The following GRIK5 variants were observed in gnomAD, a reference collection of about 807,000 sequenced individuals.
GRIK5 encodes the protein glutamate ionotropic receptor kainate type subunit 5.
A neutral mutation model predicts 97.4 loss-of-function variants in GRIK5; 43 were observed. The ratio of observed to expected loss-of-function variants is 0.44; its 90% CI spans 0.35 to 0.57. The LOEUF is 0.57. GRIK5 is among the 20% of genes least tolerant of loss of function. The pLI, the probability that GRIK5 is intolerant of heterozygous loss-of-function variation, is 0.01. For missense variants in GRIK5, 1,015 were observed against 1,382.0 expected, an observed-to-expected ratio of 0.73 and a Z score of 4.21; for synonymous variants, 580 against 583.5, an observed-to-expected ratio of 0.99 and a Z score of 0.09.
chr19:42,069,925 G>T lies in GRIK5; in HGVS notation c.-735C>A, dbSNP rs889241501. On this transcript the variant is annotated 5_prime_UTR_variant, in exon 1 of 20. Transcript: ENST00000593562. ...CGGAGAGGCCAAGAAGGGGGCAAAT[G>T]AGGTGGAGAGATAGGGAGGAGGGAG... Among the ~76,000 whole-genome samples, 1 of 152,168 alleles carries T rather than the reference G, an allele frequency of 6.6e-6. No individual in the cohort carries two copies. The highest frequency in any genetic ancestry group is 1.5e-5 in the Non-Finnish European group (1 of 68,016).
chr19:42,061,799 G>T (rs1199855897), intron 5 of GRIK5, among the ~76,000 whole-genome samples: 1 of 152,054 alleles, frequency 6.6e-6, no homozygotes, highest in Non-Finnish European at 1.5e-5. Flanking sequence ...CACCCCTCTT[G>T]TCACTCTCCA....
rs531335366 is a variant in GRIK5, at chr19:42,060,279, T to C, written c.509-752A>G. ...AAAGGTACTTGTTGAGCATGTGCTC[T>C]GTGCCAGGCTCTGCTCTTGGTATTG... On this transcript the variant is annotated intron_variant, in intron 5 of 19. Transcript: ENST00000593562. Among the ~76,000 whole-genome samples the C allele has an allele frequency of 2.6e-5, 4 of 151,854 alleles. No individual in the cohort carries two copies. The South Asian group carries it at 8.3e-4, about 32-fold the overall frequency.
chr19:42,011,390 A>C (rs983497030), intron 15 of GRIK5, among the ~76,000 whole-genome samples: 2 of 151,596 alleles, frequency 1.3e-5, no homozygotes, highest in African/African-American at 4.8e-5. Flanking sequence ...GTCTCTACTA[A>C]AAATACAAAA....
intron 6 of GRIK5, among the ~76,000 whole-genome samples, chr19:42,057,407 T>TTTTTTTTTTAAA (rs1491315453): frequency 6.6e-6 from 1 of 152,022 alleles, no homozygotes; most frequent in Non-Finnish European, 1.5e-5. Flanking sequence ...GATCTTGCTC[T>TTTTTTTTTTAAA]GTCACTCAGG....
rs2076392404 is a variant in GRIK5 at position 42,069,422 on chromosome 19, G to A, written c.-232C>T. 6.6e-6 allele frequency: 1 copy of A among 150,654 alleles called. No homozygotes were observed. Among genetic ancestry groups the A allele is most frequent in the Non-Finnish European group, 1.5e-5 (1 of 67,874 alleles). The allele number at this position is 150,654 out of a possible 1,614,324, so 9.3% of individuals were successfully genotyped here. A position where few individuals can be genotyped will look rare whatever the true frequency, so the allele number is the denominator to read the frequency against. ...AACGGTGGCTCCACAGGAGCAGGGAGGAAGGACAGGTGGAAGAGGAGAGGG... is the reference window on the plus strand; with the variant it reads ...AACGGTGGCTCCACAGGAGCAGGGAAGAAGGACAGGTGGAAGAGGAGAGGG... On this transcript the variant is annotated 5_prime_UTR_variant, in exon 1 of 20. Transcript: ENST00000593562.
intron 11 of GRIK5, among the ~76,000 whole-genome samples, chr19:42,050,044 C>T (rs897906391): frequency 6.6e-6 from 1 of 152,104 alleles, no homozygotes; most frequent in Non-Finnish European, 1.5e-5. Flanking sequence ...ATCCTCCTGC[C>T]TCAGCCTCCC....
intron 15 of GRIK5, among the ~76,000 whole-genome samples, chr19:42,014,830 G>A (rs1043522514): frequency 3.9e-5 from 6 of 152,194 alleles, no homozygotes; most frequent in African/African-American, 9.7e-5. Context: ...CAAGATGGGA[G>A]AATCACTTGA....
intron 8 of GRIK5, 130 bp downstream of exon 8, chr19:42,056,532 C>A (rs2076187297): frequency 1.4e-6 from 1 of 726,472 alleles, no homozygotes; most frequent in Admixed American, 2.5e-5. Flanking sequence ...CAATGCATCA[C>A]AAGGCCACAC....
chr19:42,021,882 C>A lies in GRIK5; in HGVS notation c.1697+65G>T. ...CAGTTCCGAGAGAGAAGAGGCAGGT[C>A]GGTCCCAGAGGCCTCGGCTCGTGCC... On this transcript the variant is annotated intron_variant, in intron 14 of 19. Transcript: ENST00000593562. This position sits in a 1 kb window ranked among gnomAD's most constrained non-coding sequence, Gnocchi z 4.2. 1 of 1,009,790 alleles carries A rather than the reference C, an allele frequency of 9.9e-7. No individual in the cohort carries two copies. The highest frequency in any genetic ancestry group is 1.4e-5 in the South Asian group (1 of 71,458). The allele number at this position is 1,009,790 out of a possible 1,614,324, so 62.6% of individuals were successfully genotyped here. A position where few individuals can be genotyped will look rare whatever the true frequency, so the allele number is the denominator to read the frequency against.
rs767198962 is a variant in GRIK5, at chr19:42,042,644, G to A, written c.1381C>T (p.Arg461Cys). The stretch of plus-strand genomic sequence containing the variant: ...TCCTCCACCAACCGCAGGCGGTAGC[G>A]GAAGCGCAGCAGCTCGGCCAGCTCC... ...LRELAELLRF[R>C]YRLRLVEDGL... Residue 461 changes from arginine (R) to cysteine (C), a missense_variant, in exon 12 of 20, where the codon CGC becomes TGC. This residue lies in a region of GRIK5 where 477 missense variants were observed against 701.1 expected (regional missense o/e 0.68). Coordinates refer to ENST00000593562, the MANE Select transcript of GRIK5 (RefSeq NM_002088.5). The surrounding 1 kb of genome is among the most constrained non-coding windows in gnomAD (Gnocchi z 6.9). The A allele has an allele frequency of 3.1e-6, 5 of 1,613,326 alleles. No homozygotes were observed. The highest frequency in any genetic ancestry group is 4.2e-6 in the Non-Finnish European group (5 of 1,179,968).
At chr19:42,038,716 C>A (rs2075940163) in intron 12 of GRIK5, among the ~76,000 whole-genome samples, 1 of 152,260 alleles carries the variant, frequency 6.6e-6, no homozygotes, top group Non-Finnish European at 1.5e-5. Context: ...GGGCAGTGAT[C>A]CTCAGGCCAT....
At chr19:42,025,267 C>T (rs973275183) in intron 12 of GRIK5, among the ~76,000 whole-genome samples, 4 of 152,176 alleles carry the variant, frequency 2.6e-5, no homozygotes, top group Non-Finnish European at 5.9e-5. Flanking sequence ...TTCTACCATT[C>T]TACGCATGAG....
intron 19 of GRIK5, chr19:42,001,658 C>T (rs1329719889): frequency 6.3e-6 from 1 of 159,354 alleles, no homozygotes; most frequent in African/African-American, 2.4e-5. Flanking sequence ...GTTGAGCCTT[C>T]AGACCACAGC....
chr19:42,068,417 A>C, intron 1 of GRIK5: 1 of 268,488 alleles, frequency 3.7e-6, no homozygotes, highest in Non-Finnish European at 7.0e-6. Context: ...AGAGAATGGG[A>C]GTGGAAAGAG....
chr19:42,026,188 A>G (rs1408050678), intron 12 of GRIK5, among the ~76,000 whole-genome samples: 2 of 152,052 alleles, frequency 1.3e-5, no homozygotes, highest in Non-Finnish European at 2.9e-5. Context: ...GGGTCTGGCT[A>G]TGTTCCCCAG....
At chr19:42,032,351 T>C (rs1035077825) in intron 12 of GRIK5, among the ~76,000 whole-genome samples, 5 of 152,248 alleles carry the variant, frequency 3.3e-5, no homozygotes, top group Non-Finnish European at 4.4e-5. Flanking sequence ...GGCAAGAGTA[T>C]GGGAAATTTC....
chr19:42,028,112 C>T (rs539843201), intron 12 of GRIK5, among the ~76,000 whole-genome samples: 5 of 152,312 alleles, frequency 3.3e-5, no homozygotes, highest in South Asian at 2.1e-4. Context: ...GGATTACAGG[C>T]GTAAGCCACC....
intron 15 of GRIK5, among the ~76,000 whole-genome samples, chr19:42,008,993 G>A (rs1265798068): frequency 2.0e-5 from 3 of 151,986 alleles, no homozygotes; most frequent in Admixed American, 1.3e-4. Flanking sequence ...CTGGGAGGCC[G>A]AGGCAGGAGG....
chr19:42,027,382 G>C (rs1206936304), intron 12 of GRIK5, among the ~76,000 whole-genome samples: 4 of 152,236 alleles, frequency 2.6e-5, no homozygotes, highest in African/African-American at 9.6e-5. Context: ...TGATCAGCGG[G>C]TTCAGTCCCT....
Sources: allele counts gnomAD v4.1 joint callset (sites outside exome capture counted in the v4.1 genomes callset), GRCh38; gene constraint gnomAD v4.1.1; regional missense constraint gnomAD v4.1.1; non-coding constraint Gnocchi (gnomAD v3.1); transcripts MANE v1.5; gene names NCBI Gene and HGNC (gene_info 2026-07-23, HGNC 2026-07-21).